NFASC: variants seen among roughly 807,000 people sequenced by gnomAD.
NFASC encodes the protein neurofascin homolog.
A neutral mutation model predicts 147.5 loss-of-function variants in NFASC; 43 were observed. The observed-to-expected ratio is 0.29, with a 90% CI of 0.23 to 0.38. The LOEUF (loss-of-function observed/expected upper bound fraction) is 0.38. Ranked by LOEUF, NFASC falls within the 10% of genes least tolerant of loss-of-function variation. The pLI is 1.00. For missense variants in NFASC, 1,320 were observed against 1,689.0 expected, an observed-to-expected ratio of 0.78 and a Z score of 3.83; for synonymous variants, 622 against 665.5, an observed-to-expected ratio of 0.93 and a Z score of 1.01.
chr1:204,965,729 T>G (rs2094914941), intron 8 of NFASC, among the ~76,000 whole-genome samples: 1 of 152,242 alleles, frequency 6.6e-6, no homozygotes, highest in Non-Finnish European at 1.5e-5. Flanking sequence ...TGCCCTTGCA[T>G]TTTCTTTGGT....
chr1:204,878,566 T>TAATTA (rs2079496968), intron 1 of NFASC, among the ~76,000 whole-genome samples: 1 of 152,210 alleles, frequency 6.6e-6, no homozygotes. Context: ...TATGGAATTA[T>TAATTA]AATTAAAGTT....
In NFASC at chr1:204,973,317, A is replaced by T; in HGVS notation, c.1177A>T (p.Ile393Phe). ...NPNREVAGDT[I>F]IFRDTQISSR... ...AAACCGTGAGGTGGCCGGAGACACC[A>T]TCATCTTCCGGGACACCCAGATCAG... The change falls in exon 12 of 30, where the codon ATC becomes TTC. Residue 393 changes from isoleucine (I) to phenylalanine (F), a missense_variant. Transcript: ENST00000339876. The T allele has an allele frequency of 1.2e-6, 2 of 1,614,206 alleles. No individual in the cohort carries two copies. The highest frequency in any genetic ancestry group is 1.7e-6 in the Non-Finnish European group (2 of 1,180,040).
intron 1 of NFASC, among the ~76,000 whole-genome samples, chr1:204,881,600 A>G (rs1310616085): frequency 6.6e-6 from 1 of 152,144 alleles, no homozygotes; most frequent in Non-Finnish European, 1.5e-5. Flanking sequence ...GGGAGACACA[A>G]GCCCTGCCGT....
intron 1 of NFASC, among the ~76,000 whole-genome samples, chr1:204,910,157 A>G (rs886927395): frequency 3.9e-5 from 6 of 152,006 alleles, no homozygotes; most frequent in Non-Finnish European, 8.8e-5. Context: ...TTAAACCAGT[A>G]TATATATATG....
intron 8 of NFASC, among the ~76,000 whole-genome samples, chr1:204,959,349 G>T (rs187988839): frequency 1.1e-4 from 17 of 152,188 alleles, no homozygotes; most frequent in Non-Finnish European, 2.2e-4. Context: ...TTGCTCCCCC[G>T]TCCCTGACTT....
rs543869757 is a variant in NFASC at position 205,001,305 on chromosome 1, G to C, written c.3136+19G>C. The C allele has an allele frequency of 6.5e-7, 1 of 1,541,326 alleles. No individual in the cohort carries two copies. The highest frequency in any genetic ancestry group is 8.9e-7 in the Non-Finnish European group (1 of 1,118,952). On this transcript the variant is annotated intron_variant, in intron 26 of 29. Transcript: ENST00000339876. The stretch of plus-strand genomic sequence containing the variant: ...ATCGACAGTAAGCATTGCTGTGCGG[G>C]GTGGTGGTGGCGGCAGCGGCGTCGG...
intron 8 of NFASC, among the ~76,000 whole-genome samples, chr1:204,958,088 A>G (rs571674863): frequency 6.6e-6 from 1 of 152,270 alleles, no homozygotes; most frequent in African/African-American, 2.4e-5. Flanking sequence ...AGAACCTGGC[A>G]GCGTACCCAG....
intron 1 of NFASC, chr1:204,871,001 C>A: frequency 3.1e-6 from 4 of 1,289,452 alleles, no homozygotes; most frequent in Non-Finnish European, 3.0e-6. Flanking sequence ...GCTTCCCTCC[C>A]CACCTGTCCC....
At chr1:204,911,432 G>C (rs1390952912) in intron 1 of NFASC, among the ~76,000 whole-genome samples, 1 of 152,122 alleles carries the variant, frequency 6.6e-6, no homozygotes, top group African/African-American at 2.4e-5. Flanking sequence ...TGCCCAGGCT[G>C]GTCTTGAGCT....
rs146575432 is a variant in NFASC, at chr1:204,962,440, G to C, written c.706+4614G>C. 2.0e-5 allele frequency among the ~76,000 whole-genome samples: 3 copies of C among 152,326 alleles called. No individual in the cohort carries two copies. The East Asian group carries it at 5.8e-4, about 29-fold the overall frequency. ...TTCAAAAGAACTTCTTGAAAAGCAG[G>C]AACTTTTACTGAAAAAGTAGAAGCT... On this transcript the variant is annotated intron_variant, in intron 8 of 29. Coordinates refer to ENST00000339876, the MANE Select transcript of NFASC (RefSeq NM_001005388.3).
chr1:204,986,124 G>T lies in NFASC; in HGVS notation c.2471-1294G>T. On this transcript the variant is annotated intron_variant, in intron 21 of 29. Coordinates refer to ENST00000339876, the MANE Select transcript of NFASC (RefSeq NM_001005388.3). This position sits in a 1 kb window ranked among gnomAD's most constrained non-coding sequence, Gnocchi z 4.2. ...ACCACCCCGGAAGGAGGTAGGTCTGGCCTGCAGCTCTTCAGGGTGGGGCAG... is the reference window on the plus strand; with the variant it reads ...ACCACCCCGGAAGGAGGTAGGTCTGTCCTGCAGCTCTTCAGGGTGGGGCAG... The T allele has an allele frequency of 1.2e-6, 2 of 1,605,902 alleles. No homozygotes were observed. Among genetic ancestry groups the T allele is most frequent in the Non-Finnish European group, 8.5e-7 (1 of 1,172,482 alleles).
chr1:204,971,144 G>C lies in NFASC; in HGVS notation c.1135+397G>C, dbSNP rs551989803. 2.0e-5 allele frequency among the ~76,000 whole-genome samples: 3 copies of C among 152,296 alleles called. No individual in the cohort carries two copies. In the East Asian group the frequency reaches 5.8e-4, roughly 29 times the overall value. On this transcript the variant is annotated intron_variant, in intron 11 of 29. Transcript: ENST00000339876. ...GTAGAGGAGAATTCAGTAACCCATT[G>C]TTGGTTACTCAAGTTCCGCTCTCTG...
At chr1:204,893,477 G>A (rs969498048) in intron 1 of NFASC, among the ~76,000 whole-genome samples, 2 of 152,188 alleles carry the variant, frequency 1.3e-5, no homozygotes, top group Admixed American at 1.3e-4. Context: ...GCCCATGTTT[G>A]AAGTACAGAG....
intron 15 of NFASC, among the ~76,000 whole-genome samples, chr1:204,976,354 G>T (rs1198503509): frequency 6.6e-6 from 1 of 152,204 alleles, no homozygotes; most frequent in East Asian, 1.9e-4. Flanking sequence ...GGGCCTCATG[G>T]TGCCCTCATC....
At chr1:204,944,197 C>T in intron 2 of NFASC, 29 bp from the exon 3 acceptor site, 1 of 1,539,774 alleles carries the variant, frequency 6.5e-7, no homozygotes, top group Non-Finnish European at 8.7e-7. Context: ...TCATGAAAAA[C>T]TCACTTGCTC....
intron 27 of NFASC, among the ~76,000 whole-genome samples, chr1:205,004,976 C>T (rs1040606964): frequency 2.0e-5 from 3 of 152,234 alleles, no homozygotes; most frequent in African/African-American, 7.2e-5. Context: ...ATCAGCCCTT[C>T]TGTGCTGGGG....
intron 1 of NFASC, among the ~76,000 whole-genome samples, chr1:204,863,147 A>T (rs561522978): frequency 1.2e-3 from 184 of 152,306 alleles, no homozygotes; most frequent in Admixed American, 3.1e-3. Flanking sequence ...CACTGTCCCT[A>T]TTTGACAACC....
intron 1 of NFASC, among the ~76,000 whole-genome samples, chr1:204,896,133 C>T (rs1558016368): frequency 6.6e-6 from 1 of 152,090 alleles, no homozygotes; most frequent in Admixed American, 6.6e-5. Context: ...AAGTGGGGTG[C>T]GGTAATCAGA....
At chr1:204,969,424 C>A (rs536078417) in intron 10 of NFASC, among the ~76,000 whole-genome samples, 1 of 152,212 alleles carries the variant, frequency 6.6e-6, no homozygotes, top group East Asian at 1.9e-4. Context: ...AAAATCACTT[C>A]CTTCCCCCCA....
Sources: gnomAD v4.1 joint callset for allele counts (sites outside exome capture counted in the v4.1 genomes callset) on GRCh38, gnomAD v4.1.1 for gene constraint, Gnocchi (gnomAD v3.1) non-coding constraint, MANE v1.5 for transcripts, NCBI Gene and HGNC (gene_info 2026-07-23, HGNC 2026-07-21) for gene names.